TCF12: variants seen among roughly 807,000 people sequenced by gnomAD.
TCF12 encodes transcription factor 12.
Under a neutral mutation model 86.0 loss-of-function variants are expected in TCF12, and 45 were observed. The ratio of observed to expected loss-of-function variants is 0.52; its 90% CI spans 0.41 to 0.67. The LOEUF is 0.67. TCF12 is among the 30% of genes least tolerant of loss of function. TCF12 has a pLI of 0.00. For missense variants in TCF12, 881 were observed against 859.9 expected (o/e 1.02, Z -0.31); for synonymous variants, 330 against 299.6 (o/e 1.10, Z -1.05).
intron 3 of TCF12, among the ~76,000 whole-genome samples, chr15:56,996,544 G>A (rs980481121): frequency 6.6e-6 from 1 of 152,028 alleles, no homozygotes; most frequent in Non-Finnish European, 1.5e-5. Context: ...AATCCTGTAC[G>A]AAAACCTGGA....
At chr15:57,194,282 A>C (rs897911945) in intron 7 of TCF12, among the ~76,000 whole-genome samples, 1 of 152,146 alleles carries the variant, frequency 6.6e-6, no homozygotes, top group Admixed American at 6.5e-5. Flanking sequence ...TGCTGTACAC[A>C]CTACATTTTC....
At chr15:57,136,970 GT>G (rs1402740121) in intron 5 of TCF12, among the ~76,000 whole-genome samples, 1 of 40,830 alleles carries the variant, frequency 2.4e-5, no homozygotes, top group African/African-American at 8.5e-5. Context: ...TTTTTTTTTT[GT>G]TTTTTTTTTT....
At chr15:57,257,349 G>A (rs1445673559) in intron 16 of TCF12, among the ~76,000 whole-genome samples, 2 of 152,226 alleles carry the variant, frequency 1.3e-5, no homozygotes, top group Admixed American at 1.3e-4. Context: ...GGAAGAGTAA[G>A]AGTTGATGGC....
chr15:57,269,806 C>T (rs1192696759), intron 18 of TCF12, among the ~76,000 whole-genome samples: 1 of 152,116 alleles, frequency 6.6e-6, no homozygotes, highest in East Asian at 1.9e-4. Context: ...ATTTCTCCTT[C>T]ATTTATGAAA....
chr15:57,117,272 TC>T (rs1391365523), intron 5 of TCF12, among the ~76,000 whole-genome samples: 3 of 151,904 alleles, frequency 2.0e-5, no homozygotes, highest in African/African-American at 7.3e-5. Flanking sequence ...GCTCAAACAA[TC>T]CCCCTGCCTC....
chr15:57,221,409 T>TGTGTGTGTGC (rs2058588723), intron 8 of TCF12, among the ~76,000 whole-genome samples: 1 of 151,328 alleles, frequency 6.6e-6, no homozygotes, highest in Non-Finnish European at 1.5e-5. Flanking sequence ...TGTGTGTGTG[T>TGTGTGTGTGC]GTGCACGTGT....
At chr15:57,204,125 A>G (rs2057694799) in intron 8 of TCF12, among the ~76,000 whole-genome samples, 1 of 152,182 alleles carries the variant, frequency 6.6e-6, no homozygotes, top group South Asian at 2.1e-4. Context: ...TGGCCCTTGA[A>G]TTAGTCACTG....
At chr15:56,956,694 A>G (rs2061517084) in intron 3 of TCF12, among the ~76,000 whole-genome samples, 1 of 152,054 alleles carries the variant, frequency 6.6e-6, no homozygotes, top group Admixed American at 6.6e-5. Flanking sequence ...CTTTCAGTAT[A>G]TTAAATTTTG....
At chr15:57,170,095 G>C (rs949018036) in intron 6 of TCF12, among the ~76,000 whole-genome samples, 2 of 152,076 alleles carry the variant, frequency 1.3e-5, no homozygotes, top group Admixed American at 6.6e-5. Flanking sequence ...GTAAACAGAG[G>C]TTCTCCTAAG....
At chr15:57,178,431 G>GT (rs2056110660) in intron 6 of TCF12, among the ~76,000 whole-genome samples, 1 of 152,136 alleles carries the variant, frequency 6.6e-6, no homozygotes, top group Non-Finnish European at 1.5e-5. Context: ...AAAAATACAA[G>GT]GAATTGAGAA....
At chr15:56,936,792 G>C (rs2060488668) in intron 3 of TCF12, among the ~76,000 whole-genome samples, 1 of 151,988 alleles carries the variant, frequency 6.6e-6, no homozygotes, top group Non-Finnish European at 1.5e-5. Flanking sequence ...TTAAGTATTT[G>C]GGTTTATTTC....
intron 3 of TCF12, among the ~76,000 whole-genome samples, chr15:57,051,738 A>C (rs1403029852): frequency 6.6e-6 from 1 of 152,166 alleles, no homozygotes; most frequent in Non-Finnish European, 1.5e-5. Context: ...GATCTTACCC[A>C]GAGAGTCTGG....
At position 57,153,413 on chromosome 15, in the gene TCF12, G is replaced by A. The variant is rs773868605; in HGVS notation, c.326-12989G>A. Among the ~76,000 whole-genome samples the A allele has an allele frequency of 6.6e-5, 10 of 152,290 alleles. No individual in the cohort carries two copies. In the East Asian group the frequency reaches 1.7e-3, roughly 26 times the overall value. On this transcript the variant is annotated intron_variant, in intron 5 of 20. Coordinates refer to ENST00000333725, the MANE Select transcript of TCF12 (RefSeq NM_207037.2). ...CAGTAAAACTTTATTTACAAAAACA[G>A]GAAGCAGGCCATGAGTCATAGTGTG...
At chr15:57,042,182 G>A (rs372273022) in intron 3 of TCF12, among the ~76,000 whole-genome samples, 6 of 151,896 alleles carry the variant, frequency 4.0e-5, no homozygotes, top group African/African-American at 1.2e-4. Flanking sequence ...GCAGTGGCAC[G>A]ATCTCAGCTC....
intron 3 of TCF12, among the ~76,000 whole-genome samples, chr15:57,007,048 A>G (rs1596078456): frequency 2.6e-5 from 4 of 152,180 alleles, no homozygotes; most frequent in Admixed American, 2.6e-4. Context: ...TAATTGTGTC[A>G]TTTGTAAGGT....
intron 4 of TCF12, among the ~76,000 whole-genome samples, chr15:57,078,760 C>T (rs1217051749): frequency 6.6e-6 from 1 of 152,134 alleles, no homozygotes; most frequent in African/African-American, 2.4e-5. Flanking sequence ...AAAAAGCACA[C>T]CTGGCATTTA....
intron 3 of TCF12, among the ~76,000 whole-genome samples, chr15:56,964,385 A>G (rs1389232992): frequency 6.6e-6 from 1 of 152,226 alleles, no homozygotes; most frequent in Non-Finnish European, 1.5e-5. Flanking sequence ...GCTGTTTTCA[A>G]GATCCTTATC....
chr15:57,252,112 A>G (rs1329728856), intron 14 of TCF12: 1 of 262,590 alleles, frequency 3.8e-6, no homozygotes, highest in African/African-American at 2.2e-5. Flanking sequence ...TCATGCTCTT[A>G]TTCGTAATTC....
chr15:57,058,466 C>T, intron 3 of TCF12, among the ~76,000 whole-genome samples: 1 of 152,170 alleles, frequency 6.6e-6, no homozygotes, highest in East Asian at 1.9e-4. Context: ...AATGGAACAT[C>T]TGTACTTGTA....
Sources: allele counts gnomAD v4.1 joint callset (sites outside exome capture counted in the v4.1 genomes callset), GRCh38; gene constraint gnomAD v4.1.1; transcripts MANE v1.5; gene names NCBI Gene and HGNC (gene_info 2026-07-23, HGNC 2026-07-21).